The following FRMD4A variants were observed in gnomAD, a reference collection of about 807,000 sequenced individuals.
FRMD4A encodes the protein FERM domain-containing protein 4A.
A neutral mutation model predicts 129.1 loss-of-function variants in FRMD4A; 29 were observed. That is an observed-to-expected ratio of 0.22 (90% CI 0.17 to 0.31). The LOEUF is 0.31. Ranked by LOEUF, FRMD4A falls within the 10% of genes least tolerant of loss-of-function variation. The pLI, the probability that FRMD4A is intolerant of heterozygous loss-of-function variation, is 1.00. For missense variants in FRMD4A, 1,272 were observed against 1,375.8 expected, an observed-to-expected ratio of 0.92 and a Z score of 1.19; for synonymous variants, 634 against 571.6, an observed-to-expected ratio of 1.11 and a Z score of -1.56.
At chr10:14,110,110 C>A (rs1275180717) in intron 2 of FRMD4A, among the ~76,000 whole-genome samples, 4 of 68,204 alleles carry the variant, frequency 5.9e-5, no homozygotes, top group African/African-American at 6.1e-5. Flanking sequence ...GGCTGGGCAA[C>A]AAAGCGAGAT....
chr10:13,866,316 G>A, intron 2 of FRMD4A: 3 of 975,308 alleles, frequency 3.1e-6, no homozygotes, highest in Non-Finnish European at 3.7e-6. Flanking sequence ...ACACCCTGAG[G>A]ATGTCGGATG....
chr10:13,936,080 T>C (rs2095246864), intron 2 of FRMD4A, among the ~76,000 whole-genome samples: 1 of 152,252 alleles, frequency 6.6e-6, no homozygotes, highest in Non-Finnish European at 1.5e-5. Flanking sequence ...CTGAACAAGA[T>C]GTAAGATCTT....
At chr10:13,929,435 G>A (rs1192249559) in intron 2 of FRMD4A, among the ~76,000 whole-genome samples, 2 of 152,192 alleles carry the variant, frequency 1.3e-5, no homozygotes, top group Non-Finnish European at 2.9e-5. Flanking sequence ...GCTTACCCGA[G>A]TGCTGCACCT....
chr10:13,847,157 G>A lies in FRMD4A; in HGVS notation c.111+11690C>T, dbSNP rs374601156. ...AAGAACAAGATGACCCGGGTTGGAG[G>A]AGGAGTAGGAATGATGGGCTTCGGT... On this transcript the variant is annotated intron_variant, in intron 3 of 24. Transcript: ENST00000357447. 1.7e-4 allele frequency among the ~76,000 whole-genome samples: 26 copies of A among 152,344 alleles called. 1 individual carries two copies. In the South Asian group the frequency reaches 5.2e-3, roughly 30 times the overall value.
At chr10:13,716,645 G>T (rs2088838676) in intron 12 of FRMD4A, among the ~76,000 whole-genome samples, 1 of 152,192 alleles carries the variant, frequency 6.6e-6, no homozygotes, top group African/African-American at 2.4e-5. Context: ...AGAGCACCGG[G>T]CCTTGACCCC....
chr10:14,215,461 C>T (rs1039288992), intron 2 of FRMD4A, among the ~76,000 whole-genome samples: 2 of 152,186 alleles, frequency 1.3e-5, no homozygotes, highest in African/African-American at 4.8e-5. Flanking sequence ...TTTGCCAAAT[C>T]ATTCAAGAAT....
intron 2 of FRMD4A, among the ~76,000 whole-genome samples, chr10:14,166,362 C>G (rs10906617): frequency 1.3e-5 from 2 of 151,846 alleles, no homozygotes; most frequent in Non-Finnish European, 2.9e-5. Flanking sequence ...ATACAAGAAA[C>G]TAACTTGTTT....
At chr10:14,038,546 T>C (rs532873296) in intron 2 of FRMD4A, among the ~76,000 whole-genome samples, 1 of 152,250 alleles carries the variant, frequency 6.6e-6, no homozygotes, top group Admixed American at 6.5e-5. Flanking sequence ...CCCCAAAAGA[T>C]TGAATCTTGA....
chr10:13,995,287 G>A (rs765957529), intron 2 of FRMD4A, among the ~76,000 whole-genome samples: 1 of 152,108 alleles, frequency 6.6e-6, no homozygotes, highest in African/African-American at 2.4e-5. Context: ...AATAAAGGGC[G>A]AGTAAGATGA....
At chr10:14,315,142 A>G (rs1295466357) in intron 2 of FRMD4A, among the ~76,000 whole-genome samples, 1 of 151,524 alleles carries the variant, frequency 6.6e-6, no homozygotes, top group African/African-American at 2.4e-5. Context: ...TCCCCTTTCA[A>G]TGCCTCATCC....
intron 2 of FRMD4A, among the ~76,000 whole-genome samples, chr10:14,125,497 G>C (rs1270063939): frequency 1.3e-5 from 2 of 152,088 alleles, no homozygotes; most frequent in Non-Finnish European, 2.9e-5. Flanking sequence ...GAAGCTTGCT[G>C]GATGACCTCT....
At chr10:14,212,485 C>T (rs564735401) in intron 2 of FRMD4A, among the ~76,000 whole-genome samples, 8 of 152,200 alleles carry the variant, frequency 5.3e-5, no homozygotes, top group South Asian at 4.2e-4. Context: ...TCTACTCCCC[C>T]GATACCGAAT....
intron 2 of FRMD4A, among the ~76,000 whole-genome samples, chr10:14,041,549 T>C (rs1565206061): frequency 6.6e-6 from 1 of 152,224 alleles, no homozygotes; most frequent in Non-Finnish European, 1.5e-5. Context: ...GTTCTGCGTC[T>C]AGGCGTATAC....
intron 5 of FRMD4A, among the ~76,000 whole-genome samples, chr10:13,787,928 G>C (rs796351711): frequency 5.3e-5 from 8 of 152,102 alleles, no homozygotes; most frequent in African/African-American, 1.9e-4. Context: ...AGCCTCAGCA[G>C]TAGGTGGCAA....
chr10:13,843,529 G>A (rs865832517), intron 3 of FRMD4A, among the ~76,000 whole-genome samples: 2 of 152,086 alleles, frequency 1.3e-5, no homozygotes, highest in African/African-American at 4.8e-5. Context: ...ATATAGTCTC[G>A]CTCTGTCACC....
At chr10:13,991,527 G>A (rs1466067030) in intron 2 of FRMD4A, among the ~76,000 whole-genome samples, 1 of 152,184 alleles carries the variant, frequency 6.6e-6, no homozygotes, top group South Asian at 2.1e-4. Context: ...GAGTGGAATG[G>A]AGTGGCTCTG....
chr10:14,008,044 C>A (rs1163501484), intron 2 of FRMD4A: 3 of 1,299,012 alleles, frequency 2.3e-6, no homozygotes, highest in Admixed American at 4.6e-5. Flanking sequence ...AGCAAACAAC[C>A]CGCCACGTAG....
At chr10:14,208,986 T>A (rs902231008) in intron 2 of FRMD4A, among the ~76,000 whole-genome samples, 1 of 152,144 alleles carries the variant, frequency 6.6e-6, no homozygotes, top group Non-Finnish European at 1.5e-5. Context: ...AGGCCCGTGG[T>A]AGGGAGGCTG....
At chr10:13,849,641 G>A (rs542265471) in intron 3 of FRMD4A, among the ~76,000 whole-genome samples, 3 of 151,524 alleles carry the variant, frequency 2.0e-5, no homozygotes, top group South Asian at 2.1e-4. Flanking sequence ...CACCATGCCC[G>A]GCTAATTTTG....
Sources: allele counts gnomAD v4.1 joint callset (sites outside exome capture counted in the v4.1 genomes callset), GRCh38; gene constraint gnomAD v4.1.1; transcripts MANE v1.5; gene names NCBI Gene and HGNC (gene_info 2026-07-23, HGNC 2026-07-21).